WWC1: variants seen among roughly 807,000 people sequenced by gnomAD.
The protein encoded by WWC1 is protein KIBRA.
WWC1 carries 55 observed loss-of-function variants against 138.4 expected under a neutral mutation model. The ratio of observed to expected loss-of-function variants is 0.40; its 90% CI spans 0.32 to 0.50. The LOEUF is 0.50. WWC1 is among the 20% of genes least tolerant of loss of function. The pLI is 0.72. For synonymous variants in WWC1, 524 were observed against 564.9 expected (o/e 0.93, Z 1.03); for missense variants, 1,226 against 1,420.4 (o/e 0.86, Z 2.20).
intron 17 of WWC1, among the ~76,000 whole-genome samples, chr5:168,451,082 A>G (rs930304203): frequency 1.3e-5 from 1 of 74,580 alleles, no homozygotes; most frequent in Non-Finnish European, 4.2e-5. Flanking sequence ...GGCTCACTGC[A>G]ATCTCGGCTC....
intron 1 of WWC1, among the ~76,000 whole-genome samples, chr5:168,334,333 T>G (rs1434130117): frequency 6.6e-6 from 1 of 152,110 alleles, no homozygotes; most frequent in Non-Finnish European, 1.5e-5. Flanking sequence ...CCCCATCCTG[T>G]TTCTCTGCCC....
chr5:168,295,103 G>A (rs1769410576), intron 1 of WWC1, among the ~76,000 whole-genome samples: 1 of 152,174 alleles, frequency 6.6e-6, no homozygotes, highest in Non-Finnish European at 1.5e-5. Context: ...ATAGCCACTT[G>A]TGGTTTTCTG....
At chr5:168,450,774 TA>T (rs1755725204) in intron 17 of WWC1, among the ~76,000 whole-genome samples, 1 of 152,076 alleles carries the variant, frequency 6.6e-6, no homozygotes, top group East Asian at 1.9e-4. Context: ...AACTTTGAGG[TA>T]GGCAAAGATT....
intron 21 of WWC1, among the ~76,000 whole-genome samples, chr5:168,466,634 T>C (rs73802319): frequency 0.028 from 4,284 of 152,326 alleles, 202 homozygotes; most frequent in African/African-American, 0.098. Context: ...ATTTATACCC[T>C]GTTTACTTAT....
intron 1 of WWC1, among the ~76,000 whole-genome samples, chr5:168,365,405 T>C (rs1046852756): frequency 6.6e-6 from 1 of 152,184 alleles, no homozygotes; most frequent in Non-Finnish European, 1.5e-5. Flanking sequence ...TGTGGGAAGC[T>C]GGGACTTGCT....
chr5:168,420,396 G>A (rs1303358136), intron 9 of WWC1, among the ~76,000 whole-genome samples: 10 of 152,088 alleles, frequency 6.6e-5, no homozygotes, highest in African/African-American at 2.4e-4. Flanking sequence ...CTGGATTAGA[G>A]TCTGCCCTAC....
chr5:168,360,417 A>G (rs1047993715), intron 1 of WWC1, among the ~76,000 whole-genome samples: 1 of 152,114 alleles, frequency 6.6e-6, no homozygotes, highest in Non-Finnish European at 1.5e-5. Flanking sequence ...AATTGGGGTG[A>G]TTGTACCTGC....
chr5:168,426,483 C>T (rs915761942), intron 11 of WWC1, among the ~76,000 whole-genome samples: 1 of 152,308 alleles, frequency 6.6e-6, no homozygotes, highest in South Asian at 2.1e-4. Context: ...GATGGCATTT[C>T]CTTCATGCCA....
chr5:168,348,441 A>G (rs1175433214), intron 1 of WWC1, among the ~76,000 whole-genome samples: 20 of 152,222 alleles, frequency 1.3e-4, no homozygotes, highest in Admixed American at 1.3e-3. Flanking sequence ...AGCTGCTGGC[A>G]GAGGGAAGGG....
intron 15 of WWC1, among the ~76,000 whole-genome samples, chr5:168,437,561 T>C (rs1294516264): frequency 6.6e-6 from 1 of 152,210 alleles, no homozygotes; most frequent in African/African-American, 2.4e-5. Flanking sequence ...AATATTTATC[T>C]GCCTTCAATT....
At chr5:168,373,439 G>T (rs1481858283) in intron 2 of WWC1, among the ~76,000 whole-genome samples, 1 of 152,026 alleles carries the variant, frequency 6.6e-6, no homozygotes, top group African/African-American at 2.4e-5. Context: ...GGTTTGAGGT[G>T]GTCTGGTTGG....
chr5:168,323,398 A>G (rs771590635), intron 1 of WWC1, among the ~76,000 whole-genome samples: 1 of 152,124 alleles, frequency 6.6e-6, no homozygotes, highest in Admixed American at 6.6e-5. Flanking sequence ...TAAAAAAGAA[A>G]TTAGCCAGGC....
intron 19 of WWC1, among the ~76,000 whole-genome samples, chr5:168,459,806 G>A (rs2152890905): frequency 6.6e-6 from 1 of 152,214 alleles, no homozygotes; most frequent in African/African-American, 2.4e-5. Flanking sequence ...AGACACACAA[G>A]CACAATAGCA....
chr5:168,299,192 C>T (rs1769835558), intron 1 of WWC1, among the ~76,000 whole-genome samples: 1 of 152,232 alleles, frequency 6.6e-6, no homozygotes, highest in South Asian at 2.1e-4. Context: ...TAGCTGTAGC[C>T]TGGTCTGGCT....
Position 168,381,733 on chromosome 5 carries a change from C to T in WWC1, c.230-3478C>T, listed in dbSNP as rs578043627. ...TGGAAATTCTAATTTAAGTGTTCTT[C>T]GGGGGGTGGGGTGGGGTTCAGGCTT... On this transcript the variant is annotated intron_variant, in intron 2 of 22. Coordinates refer to ENST00000265293, the MANE Select transcript of WWC1 (RefSeq NM_015238.3). Among the ~76,000 whole-genome samples the T allele has an allele frequency of 1.8e-3, 252 of 142,254 alleles. 3 individuals are homozygous for T. Among genetic ancestry groups the T allele is most frequent in the African/African-American group, 6.3e-3 (242 of 38,388 alleles). 93.3% of individuals were successfully genotyped at this position (142,254 alleles called of 152,430 possible). A position where few individuals can be genotyped will look rare whatever the true frequency, so the allele number is the denominator to read the frequency against.
chr5:168,361,217 C>A (rs1775855940), intron 1 of WWC1, among the ~76,000 whole-genome samples: 1 of 152,178 alleles, frequency 6.6e-6, no homozygotes, highest in South Asian at 2.1e-4. Context: ...ACTGGGAGTC[C>A]TCTCTGGTTC....
chr5:168,367,606 AC>A (rs1776412942), intron 1 of WWC1, among the ~76,000 whole-genome samples: 1 of 152,188 alleles, frequency 6.6e-6, no homozygotes, highest in African/African-American at 2.4e-5. Context: ...GGCATGAGCC[AC>A]TGCGCCTGGC....
chr5:168,421,984 C>T (rs891483044), intron 9 of WWC1, 24 bp from the exon 10 acceptor site: 4 of 1,601,886 alleles, frequency 2.5e-6, no homozygotes, highest in Non-Finnish European at 3.4e-6. Flanking sequence ...TGGTGCATCC[C>T]TCGCATGCTT....
At chr5:168,445,701 CAAAAAA>C (rs763044458) in intron 17 of WWC1, among the ~76,000 whole-genome samples, 11 of 50,684 alleles carry the variant, frequency 2.2e-4, no homozygotes, top group East Asian at 7.6e-4. Context: ...GACTCTGTCT[CAAAAAA>C]AAAAAAAAAA....
Sources: allele counts gnomAD v4.1 joint callset (sites outside exome capture counted in the v4.1 genomes callset), GRCh38; gene constraint gnomAD v4.1.1; transcripts MANE v1.5; gene names NCBI Gene and HGNC (gene_info 2026-07-23, HGNC 2026-07-21).